Variants in KTN1 observed in about 807,000 individuals in gnomAD.
KTN1 encodes the protein kinectin.
A neutral mutation model predicts 222.5 loss-of-function variants in KTN1; 130 were observed. The observed-to-expected ratio is 0.58, with a 90% CI of 0.51 to 0.68. KTN1 has a LOEUF of 0.68. Among genes scored for constraint, KTN1 ranks in the 30% least tolerant of loss-of-function variants. The pLI is 0.00. For synonymous variants in KTN1, 512 were observed against 496.3 expected (o/e 1.03, Z -0.42); for missense variants, 1,508 against 1,500.4 (o/e 1.01, Z -0.08).
chr14:55,678,827 G>A (rs766011325), intron 42 of KTN1: 1 of 182,274 alleles, frequency 5.5e-6, no homozygotes, highest in Non-Finnish European at 1.2e-5. Flanking sequence ...TGAACTGCAT[G>A]CTCCTTATGA....
At chr14:55,632,060 T>C (rs2040595991) in intron 7 of KTN1, among the ~76,000 whole-genome samples, 1 of 152,212 alleles carries the variant, frequency 6.6e-6, no homozygotes, top group African/African-American at 2.4e-5. Context: ...TGAATGATGC[T>C]GTTTTCATGT....
At chr14:55,668,924 C>G (rs2045169745) in intron 34 of KTN1, 1 of 152,080 alleles carries the variant, frequency 6.6e-6, no homozygotes. Flanking sequence ...ATGTTCCGAT[C>G]TGATCAGTTT....
In KTN1 at chr14:55,670,734, T is replaced by C. The variant is rs1331795225; in HGVS notation, c.3273T>C (p.Tyr1091=). The change falls in exon 35 of 44, where the codon TAT becomes TAC. Residue 1091 remains tyrosine, a synonymous_variant. Transcript: ENST00000395314. ...TTAACTTTTCTCGTCCACAGAGTTA[T>C]GGTGAATGGTTGCATGGATTTGAAA... ...PKVSVPSNLS[Y]GEWLHGFEKK... is the part of the protein sequence containing the mutation. The C allele has an allele frequency of 2.5e-6, 4 of 1,605,658 alleles. No individual in the cohort carries two copies. The South Asian group carries it at 3.3e-5, about 13-fold the overall frequency.
intron 1 of KTN1, among the ~76,000 whole-genome samples, chr14:55,598,579 ATGT>A (rs1223616988): frequency 6.6e-6 from 1 of 152,166 alleles, no homozygotes; most frequent in South Asian, 2.1e-4. Context: ...TTATTTACTA[ATGT>A]TGATCAGTTT....
intron 1 of KTN1, among the ~76,000 whole-genome samples, chr14:55,590,157 A>G (rs72719459): frequency 1.3e-5 from 2 of 152,200 alleles, no homozygotes; most frequent in South Asian, 4.1e-4. Flanking sequence ...TTGTAATTGT[A>G]TAAGTTAAGA....
chr14:55,680,498 T>G (rs561950680), intron 43 of KTN1: 1 of 400,102 alleles, frequency 2.5e-6, no homozygotes, highest in Admixed American at 3.1e-5. Flanking sequence ...CTTTTGAAGA[T>G]ATTTTCTCTA....
intron 2 of KTN1, among the ~76,000 whole-genome samples, chr14:55,615,494 T>G (rs572595701): frequency 1.8e-4 from 28 of 152,170 alleles, no homozygotes; most frequent in African/African-American, 6.7e-4. Flanking sequence ...TTTTTGTCAC[T>G]GCCATATTTT....
At chr14:55,621,370 A>G (rs944807123) in intron 5 of KTN1, among the ~76,000 whole-genome samples, 10 of 151,674 alleles carry the variant, frequency 6.6e-5, no homozygotes, top group African/African-American at 2.4e-4. Context: ...GCAGTTCCTC[A>G]CTCCTGGTAC....
chr14:55,589,237 T>C (rs527265434), intron 1 of KTN1, among the ~76,000 whole-genome samples: 7 of 152,362 alleles, frequency 4.6e-5, no homozygotes, highest in Middle Eastern at 6.8e-3. Flanking sequence ...TTCAGTGTTA[T>C]GTAACCTTCA....
intron 33 of KTN1, among the ~76,000 whole-genome samples, chr14:55,665,200 T>C (rs2044585857): frequency 6.6e-6 from 1 of 151,994 alleles, no homozygotes; most frequent in Admixed American, 6.6e-5. Context: ...TAGTTGCAAT[T>C]GTACAGTCAT....
At chr14:55,594,609 C>T (rs540162167) in intron 1 of KTN1, among the ~76,000 whole-genome samples, 1 of 145,916 alleles carries the variant, frequency 6.9e-6, no homozygotes, top group East Asian at 2.1e-4. Flanking sequence ...GTTTTGAATT[C>T]ATTCTTGAAA....
intron 11 of KTN1, 117 bp downstream of exon 11, chr14:55,637,481 A>G: frequency 6.3e-6 from 5 of 799,798 alleles, no homozygotes; most frequent in Non-Finnish European, 9.5e-6. Flanking sequence ...ATGATGAATA[A>G]TTATAACTTT....
At chr14:55,600,709 G>A (rs2035846418) in intron 1 of KTN1, among the ~76,000 whole-genome samples, 1 of 151,806 alleles carries the variant, frequency 6.6e-6, no homozygotes, top group Admixed American at 6.6e-5. Context: ...GCTGTTTTAC[G>A]GTATGAATTT....
At chr14:55,620,846 T>C (rs2039042935) in intron 5 of KTN1, among the ~76,000 whole-genome samples, 1 of 152,176 alleles carries the variant, frequency 6.6e-6, no homozygotes, top group Admixed American at 6.5e-5. Flanking sequence ...TTACATTTGG[T>C]TCCTCATTAC....
chr14:55,627,264 A>G (rs2039959240), intron 5 of KTN1, among the ~76,000 whole-genome samples: 1 of 152,132 alleles, frequency 6.6e-6, no homozygotes, highest in East Asian at 1.9e-4. Context: ...CTTGGTTGAT[A>G]TGTATCTAGT....
rs1295425857 is a variant in KTN1 at position 55,641,170 on chromosome 14, C to A, written c.2065C>A (p.Leu689Ile). 1 of 1,598,308 alleles carries A rather than the reference C, an allele frequency of 6.3e-7. No homozygotes were observed. Among genetic ancestry groups the A allele is most frequent in the Non-Finnish European group, 8.5e-7 (1 of 1,172,874 alleles). ...TAAAATAAGATTGCTGGAAGAGCAA[C>A]TACAACATGAAATTTCAAACAAAAT... is the stretch of plus-strand genomic sequence containing the variant. ...DDKIRLLEEQ[L>I]QHEISNKMEE... is the part of the protein sequence containing the mutation. Residue 689 changes from leucine to isoleucine, a missense_variant, in exon 17 of 44, where the codon CTA becomes ATA. Physicochemically the swap from Leu to Ile is conservative, Grantham distance 5. Transcript: ENST00000395314.
intron 1 of KTN1, among the ~76,000 whole-genome samples, chr14:55,595,345 A>G (rs543828190): frequency 4.6e-5 from 7 of 152,346 alleles, no homozygotes; most frequent in African/African-American, 1.7e-4. Context: ...ATTTTGATGA[A>G]AACCAGTTAA....
chr14:55,639,361 G>GTT, intron 13 of KTN1, 139 bp downstream of exon 13: 2 of 399,310 alleles, frequency 5.0e-6, no homozygotes, highest in Non-Finnish European at 8.6e-6. Context: ...AGCAACTTTT[G>GTT]CTTTTTTTTT....
At chr14:55,631,953 A>G (rs2040585792) in intron 7 of KTN1, among the ~76,000 whole-genome samples, 1 of 151,932 alleles carries the variant, frequency 6.6e-6, no homozygotes, top group Admixed American at 6.6e-5. Flanking sequence ...TATTGCTTTG[A>G]TAATATCGCT....
Sources: allele counts gnomAD v4.1 joint callset (sites outside exome capture counted in the v4.1 genomes callset), GRCh38; gene constraint gnomAD v4.1.1; transcripts MANE v1.5; gene names NCBI Gene and HGNC (gene_info 2026-07-23, HGNC 2026-07-21).